The following BCL11B variants were observed in gnomAD, a reference collection of about 807,000 sequenced individuals.
The protein encoded by BCL11B is B-cell lymphoma/leukemia 11B.
Under a neutral mutation model 49.9 loss-of-function variants are expected in BCL11B, and 8 were observed. The observed-to-expected ratio is 0.16, with a 90% CI of 0.09 to 0.29. The LOEUF is 0.29. BCL11B is among the 10% of genes least tolerant of loss of function. The probability of loss-of-function intolerance (pLI) is 1.00; values close to 1 mark genes in which losing one functional copy is unlikely to be tolerated. For synonymous variants in BCL11B, 739 were observed against 637.4 expected (o/e 1.16, Z -2.40); for missense variants, 1,006 against 1,351.0 (o/e 0.74, Z 4.00).
At chr14:99,260,828 ACCTGGGAGCCAGGC>A in intron 1 of BCL11B, among the ~76,000 whole-genome samples, 1 of 151,896 alleles carries the variant, frequency 6.6e-6, no homozygotes, top group East Asian at 1.9e-4. Flanking sequence ...CAGCCAACCA[ACCTGGGAGCCAGGC>A]CCTGTTGGCG....
At chr14:99,201,658 C>T (rs974280636) in intron 3 of BCL11B, among the ~76,000 whole-genome samples, 5 of 152,176 alleles carry the variant, frequency 3.3e-5, no homozygotes, top group East Asian at 1.9e-4. Context: ...GGTGCTGCAC[C>T]GCCCCTGGCA....
chr14:99,267,267 C>G (rs1889509631), intron 1 of BCL11B, among the ~76,000 whole-genome samples: 1 of 150,834 alleles, frequency 6.6e-6, no homozygotes, highest in Admixed American at 6.6e-5. Context: ...GCAACCTCCC[C>G]ATCAAAAAAA....
In BCL11B at chr14:99,175,693, G is replaced by A. The variant is rs779748910; in HGVS notation, c.1143C>T (p.Ser381=). The A allele has an allele frequency of 2.7e-5, 41 of 1,520,500 alleles. No individual in the cohort carries two copies. The African/African-American group carries it at 5.2e-4, about 19-fold the overall frequency. 94.2% of individuals were successfully genotyped at this position (1,520,500 alleles called of 1,614,324 possible). A position where few individuals can be genotyped will look rare whatever the true frequency, so the allele number is the denominator to read the frequency against. ...AGNSSTPPPV[S]PGRGNPMHRL... is the part of the protein sequence containing the mutation. ...GGTGCATAGGGTTGCCGCGGCCCGG[G>A]GACACGGGCGGCGGCGTGGAGCTGT... is the stretch of plus-strand genomic sequence containing the variant. Residue 381 remains serine (S), a synonymous_variant, in exon 4 of 4, where the codon TCC becomes TCT. Coordinates refer to ENST00000357195, the MANE Select transcript of BCL11B (RefSeq NM_138576.4).
rs932315850 is a variant in BCL11B, at chr14:99,175,393, G to A, written c.1443C>T (p.Ala481=). The change falls in exon 4 of 4, where the codon GCC becomes GCT. Residue 481 remains alanine, a synonymous_variant. Coordinates refer to ENST00000357195, the MANE Select transcript of BCL11B (RefSeq NM_138576.4). ...KRHMKTHMHK[A]GSLAGRSDDG... ...CGTCGGAGCGGCCGGCCAGCGAGCCGGCCTTGTGCATGTGCGTCTTCATGT... is the reference window on the plus strand; with the variant it reads ...CGTCGGAGCGGCCGGCCAGCGAGCCAGCCTTGTGCATGTGCGTCTTCATGT... The A allele has an allele frequency of 5.6e-6, 9 of 1,602,008 alleles. No homozygotes were observed. The highest frequency in any genetic ancestry group is 1.7e-5 in the Admixed American group (1 of 59,438).
chr14:99,223,322 A>T (rs1370163179), intron 3 of BCL11B, among the ~76,000 whole-genome samples: 14 of 152,174 alleles, frequency 9.2e-5, no homozygotes, highest in African/African-American at 3.1e-4. Flanking sequence ...ACCATTTTTT[A>T]AAAATATAAT....
At chr14:99,198,356 C>T (rs780073283) in intron 3 of BCL11B, among the ~76,000 whole-genome samples, 13 of 152,206 alleles carry the variant, frequency 8.5e-5, no homozygotes, top group South Asian at 2.1e-4. Context: ...AGACATCGAA[C>T]GGCTGAGCTC....
chr14:99,216,258 TTGAAGA>T (rs1887832382), intron 3 of BCL11B, among the ~76,000 whole-genome samples: 1 of 152,170 alleles, frequency 6.6e-6, no homozygotes, highest in Non-Finnish European at 1.5e-5. Flanking sequence ...GTGAGGGATG[TTGAAGA>T]TGAAGCCCAC....
chr14:99,174,105 G>A lies in BCL11B; in HGVS notation c.*46C>T. On this transcript the variant is annotated 3_prime_UTR_variant, in exon 4 of 4. Transcript: ENST00000357195. The stretch of plus-strand genomic sequence containing the variant: ...AAGTCAGGTCAGCATTCTCTCGGTT[G>A]GCAACGGTTCCACTGTACAGGTGCG... The A allele has an allele frequency of 1.3e-6, 2 of 1,575,038 alleles. No individual in the cohort carries two copies. Among genetic ancestry groups the A allele is most frequent in the East Asian group, 2.3e-5 (1 of 44,398 alleles).
At chr14:99,269,365 A>AAGCTCAAATCT (rs1466195633) in intron 1 of BCL11B, among the ~76,000 whole-genome samples, 2 of 152,194 alleles carry the variant, frequency 1.3e-5, no homozygotes, top group Non-Finnish European at 2.9e-5. Context: ...TGATCAAACC[A>AAGCTCAAATCT]AGCTCAAATC....
At chr14:99,260,842 C>T (rs763790205) in intron 1 of BCL11B, among the ~76,000 whole-genome samples, 21 of 152,040 alleles carry the variant, frequency 1.4e-4, no homozygotes, top group Non-Finnish European at 8.8e-5. Context: ...GGGAGCCAGG[C>T]CCTGTTGGCG....
At chr14:99,246,724 A>T (rs1888853502) in intron 2 of BCL11B, among the ~76,000 whole-genome samples, 1 of 2,390 alleles carries the variant, frequency 4.2e-4, no homozygotes, top group Admixed American at 9.3e-3. Context: ...GAGGGGCCTG[A>T]AGACCCCTCG....
chr14:99,215,650 G>A (rs1183535796), intron 3 of BCL11B, among the ~76,000 whole-genome samples: 1 of 152,174 alleles, frequency 6.6e-6, no homozygotes, highest in Non-Finnish European at 1.5e-5. Flanking sequence ...CTGATTCCAG[G>A]TATAAAAGCT....
Position 99,176,893 on chromosome 14 carries a change from ACAAAT to A in BCL11B, c.641-703_641-699del, listed in dbSNP as rs749354464. On this transcript the variant is annotated intron_variant, in intron 3 of 3. Transcript: ENST00000357195. ...TGATTCCAGGGAGTTGTACAGAAACACAAATCAAACTGTACTATCCTGCAAACTTT... is the reference window on the plus strand; with the variant it reads ...TGATTCCAGGGAGTTGTACAGAAACACAAACTGTACTATCCTGCAAACTTT... Among the ~76,000 whole-genome samples, 45 of 152,082 alleles carry A rather than the reference ACAAAT, an allele frequency of 3.0e-4. No individual in the cohort carries two copies. In the East Asian group the frequency reaches 3.1e-3, roughly 10 times the overall value.
Position 99,173,871 on chromosome 14 carries a change from T to A in BCL11B, c.*280A>T, listed in dbSNP as rs1260537919. On this transcript the variant is annotated 3_prime_UTR_variant, in exon 4 of 4. Coordinates refer to ENST00000357195, the MANE Select transcript of BCL11B (RefSeq NM_138576.4). ...CTTAAAGGAATTCAAACAGAAAAAA[T>A]AATAATAAAAAGTACCTGCACATGC... 10 of 421,532 alleles carry A rather than the reference T, an allele frequency of 2.4e-5. No individual in the cohort carries two copies. The highest frequency in any genetic ancestry group is 1.0e-4 in the African/African-American group (5 of 48,198). 26.1% of individuals were successfully genotyped at this position (421,532 alleles called of 1,614,324 possible). A position where few individuals can be genotyped will look rare whatever the true frequency, so the allele number is the denominator to read the frequency against.
rs541256396 is a variant in BCL11B, at chr14:99,262,944, C to G, written c.59-5105G>C. ...TATGACTAGATGACGCTTAAAGGCA[C>G]GACAAGAGATTTTATGAAGTTCCCC... On this transcript the variant is annotated intron_variant, in intron 1 of 3. Coordinates refer to ENST00000357195, the MANE Select transcript of BCL11B (RefSeq NM_138576.4). This position sits in a 1 kb window ranked among gnomAD's most constrained non-coding sequence, Gnocchi z 4.2. 6 of 152,000 alleles carry G rather than the reference C, an allele frequency of 3.9e-5. No individual in the cohort carries two copies. Among genetic ancestry groups the G allele is most frequent in the African/African-American group, 1.2e-4 (5 of 41,366 alleles). 9.4% of individuals were successfully genotyped at this position (152,000 alleles called of 1,614,324 possible). A position where few individuals can be genotyped will look rare whatever the true frequency, so the allele number is the denominator to read the frequency against.
At chr14:99,202,200 G>A (rs534991637) in intron 3 of BCL11B, among the ~76,000 whole-genome samples, 1 of 151,938 alleles carries the variant, frequency 6.6e-6, no homozygotes, top group Admixed American at 6.6e-5. Flanking sequence ...ATATCGCCCA[G>A]GCTGGTCTCA....
rs543849724 is a variant in BCL11B, at chr14:99,194,186, C to T, written c.641-17991G>A. 3.9e-5 allele frequency among the ~76,000 whole-genome samples: 6 copies of T among 152,284 alleles called. No homozygotes were observed. Among genetic ancestry groups the T allele is most frequent in the Admixed American group, 1.3e-4 (2 of 15,290 alleles). Reference sequence around the variant, plus strand: ...AGGAAGCTCAGGGCAGGTGACAGGGCGACCACCTGGACACCTGTCCTCCCT... The same window carrying T: ...AGGAAGCTCAGGGCAGGTGACAGGGTGACCACCTGGACACCTGTCCTCCCT... On this transcript the variant is annotated intron_variant, in intron 3 of 3. Transcript: ENST00000357195. This position sits in a 1 kb window ranked among gnomAD's most constrained non-coding sequence, Gnocchi z 4.6.
At chr14:99,183,271 G>A (rs187038060) in intron 3 of BCL11B, among the ~76,000 whole-genome samples, 1 of 152,216 alleles carries the variant, frequency 6.6e-6, no homozygotes, top group Admixed American at 6.5e-5. Context: ...AAGAAATAAG[G>A]GAAGCCCAGA....
intron 3 of BCL11B, among the ~76,000 whole-genome samples, chr14:99,186,406 G>C (rs1886854002): frequency 6.6e-6 from 1 of 152,240 alleles, no homozygotes; most frequent in East Asian, 1.9e-4. Context: ...TGTAGTCCCA[G>C]CTACTTGGGA....
Sources: allele counts gnomAD v4.1 joint callset (sites outside exome capture counted in the v4.1 genomes callset), GRCh38; gene constraint gnomAD v4.1.1; non-coding constraint Gnocchi (gnomAD v3.1); transcripts MANE v1.5; gene names NCBI Gene and HGNC (gene_info 2026-07-23, HGNC 2026-07-21).